The following DLC1 variants were observed in gnomAD, a reference collection of about 807,000 sequenced individuals.
The protein encoded by DLC1 is DLC1 Rho GTPase activating protein.
Under a neutral mutation model 140.3 loss-of-function variants are expected in DLC1, and 54 were observed. That is an observed-to-expected ratio of 0.38 (90% CI 0.31 to 0.48). The LOEUF is 0.48. DLC1 is among the 20% of genes least tolerant of loss of function. The pLI is 0.96. For missense variants in DLC1, 2,536 were observed against 1,907.0 expected (o/e 1.33, Z -6.14); for synonymous variants, 986 against 728.1 (o/e 1.35, Z -5.70).
Position 13,085,696 on chromosome 8 carries a change from C to T in DLC1, c.*115G>A. ...AATTGCTATAGTCAATTCCTACACT[C>T]CAGCTTGTAGTTTTCTTTGTTTCAG... On this transcript the variant is annotated 3_prime_UTR_variant, in exon 18 of 18. Coordinates refer to ENST00000276297, the MANE Select transcript of DLC1 (RefSeq NM_182643.3). The T allele has an allele frequency of 6.7e-7, 1 of 1,487,932 alleles. No homozygotes were observed. Among genetic ancestry groups the T allele is most frequent in the South Asian group, 1.3e-5 (1 of 74,908 alleles). The allele number at this position is 1,487,932 out of a possible 1,614,324, so 92.2% of individuals were successfully genotyped here.
At chr8:13,559,736 C>T (rs1804176102) in intron 1 of DLC1, among the ~76,000 whole-genome samples, 1 of 152,068 alleles carries the variant, frequency 6.6e-6, no homozygotes, top group African/African-American at 2.4e-5. Flanking sequence ...CCCTTCTACC[C>T]AAGGAAAACA....
intron 1 of DLC1, among the ~76,000 whole-genome samples, chr8:13,569,880 C>A (rs1314299566): frequency 1.3e-5 from 2 of 152,152 alleles, no homozygotes; most frequent in African/African-American, 4.8e-5. Flanking sequence ...TGCCGCCACG[C>A]CTGGCTAAAT....
intron 4 of DLC1, chr8:13,353,352 TC>T (rs1834766584): frequency 6.6e-6 from 1 of 152,152 alleles, no homozygotes; most frequent in Non-Finnish European, 1.5e-5. Context: ...TCCTATAATA[TC>T]TGTAAAAGAC....
At chr8:13,298,080 C>A (rs1167878637) in intron 5 of DLC1, among the ~76,000 whole-genome samples, 2 of 152,142 alleles carry the variant, frequency 1.3e-5, no homozygotes, top group African/African-American at 4.8e-5. Flanking sequence ...TGTCTTATGA[C>A]CACAACACAA....
At chr8:13,548,927 A>G (rs1157204195) in intron 1 of DLC1, among the ~76,000 whole-genome samples, 3 of 152,122 alleles carry the variant, frequency 2.0e-5, no homozygotes, top group Admixed American at 6.6e-5. Flanking sequence ...TGGAAGATCA[A>G]TTATAATCAC....
At chr8:13,205,764 A>G (rs1827630430) in intron 5 of DLC1, among the ~76,000 whole-genome samples, 1 of 152,212 alleles carries the variant, frequency 6.6e-6, no homozygotes, top group Non-Finnish European at 1.5e-5. Flanking sequence ...TTATGGATGA[A>G]CATAAGTAGA....
intron 2 of DLC1, 43 bp from the exon 3 acceptor site, chr8:13,401,662 TC>T: frequency 6.3e-7 from 1 of 1,586,898 alleles, no homozygotes; most frequent in African/African-American, 1.4e-5. Flanking sequence ...AAAGGCCATT[TC>T]TTAATAAGAA....
chr8:13,545,777 TTTTG>T (rs1222816221), intron 1 of DLC1, among the ~76,000 whole-genome samples: 1 of 152,146 alleles, frequency 6.6e-6, no homozygotes, highest in Non-Finnish European at 1.5e-5. Context: ...TTTTCCTATC[TTTTG>T]TTTGTGATGT....
At chr8:13,417,698 T>G (rs1429187612) in intron 2 of DLC1, among the ~76,000 whole-genome samples, 2 of 152,202 alleles carry the variant, frequency 1.3e-5, no homozygotes, top group African/African-American at 2.4e-5. Context: ...TATAGCAGCA[T>G]GATTTCTAGT....
At chr8:13,567,308 A>T in intron 1 of DLC1, 1 of 1,551,768 alleles carries the variant, frequency 6.4e-7, no homozygotes, top group African/African-American at 1.4e-5. Context: ...CCAGACACCA[A>T]ACTTCCAACA....
At position 13,233,744 on chromosome 8, in the gene DLC1, C is replaced by T. The variant is rs570982082; in HGVS notation, c.1348+71525G>A. On this transcript the variant is annotated intron_variant, in intron 5 of 17. Coordinates refer to ENST00000276297, the MANE Select transcript of DLC1 (RefSeq NM_182643.3). Reference sequence around the variant, plus strand: ...GCTTGCCACCTGGATATTTTGTCAACACAATGTTTTGATATTTGGATATGC... The same window carrying T: ...GCTTGCCACCTGGATATTTTGTCAATACAATGTTTTGATATTTGGATATGC... Among the ~76,000 whole-genome samples the T allele has an allele frequency of 1.7e-4, 26 of 152,282 alleles. 1 individual carries two copies. In the South Asian group the frequency reaches 5.2e-3, roughly 30 times the overall value.
intron 4 of DLC1, among the ~76,000 whole-genome samples, chr8:13,390,020 A>T (rs771353048): frequency 2.6e-5 from 4 of 152,194 alleles, no homozygotes; most frequent in Non-Finnish European, 5.9e-5. Flanking sequence ...TAAAGTATCT[A>T]GACTGTTATT....
At chr8:13,228,658 G>A (rs1287420849) in intron 5 of DLC1, among the ~76,000 whole-genome samples, 1 of 152,218 alleles carries the variant, frequency 6.6e-6, no homozygotes, top group African/African-American at 2.4e-5. Flanking sequence ...GCTGAGGCAA[G>A]AAGATTGCTT....
At chr8:13,101,479 T>C (rs990822959) in intron 8 of DLC1, among the ~76,000 whole-genome samples, 1 of 152,168 alleles carries the variant, frequency 6.6e-6, no homozygotes, top group Admixed American at 6.5e-5. Flanking sequence ...TATTCCCTCT[T>C]GCAATTAAAA....
chr8:13,486,201 C>G (rs1800960917), intron 2 of DLC1, among the ~76,000 whole-genome samples: 1 of 152,094 alleles, frequency 6.6e-6, no homozygotes, highest in African/African-American at 2.4e-5. Context: ...TAGGAAAAAG[C>G]AAATTTTTAT....
Position 13,500,067 on chromosome 8 carries a change from G to C in DLC1, c.5C>G (p.Ser2Cys). 1 of 1,612,450 alleles carries C rather than the reference G, an allele frequency of 6.2e-7. No individual in the cohort carries two copies. The highest frequency in any genetic ancestry group is 1.1e-5 in the South Asian group (1 of 91,020). ...CCAGCTTCTCTTTCTGATAGCTACA[G>C]ACATGTCATCGTAGTTTAACAACAG... M[S>C]VAIRKRSWEE... Residue 2 changes from serine to cysteine, a missense_variant, in exon 2 of 18, where the codon TCT becomes TGT. Coordinates refer to ENST00000276297, the MANE Select transcript of DLC1 (RefSeq NM_182643.3).
intron 5 of DLC1, among the ~76,000 whole-genome samples, chr8:13,217,666 C>G (rs1314896115): frequency 6.6e-6 from 1 of 151,486 alleles, no homozygotes; most frequent in Non-Finnish European, 1.5e-5. Context: ...AACTCTGTCT[C>G]TACTAAAAAT....
chr8:13,279,299 T>G (rs921854795), intron 5 of DLC1, among the ~76,000 whole-genome samples: 1 of 152,116 alleles, frequency 6.6e-6, no homozygotes, highest in African/African-American at 2.4e-5. Flanking sequence ...AAAACAACCC[T>G]CCTCCTCTTA....
chr8:13,507,170 A>G, intron 1 of DLC1, among the ~76,000 whole-genome samples: 1 of 152,218 alleles, frequency 6.6e-6, no homozygotes, highest in East Asian at 1.9e-4. Flanking sequence ...CAAAGAACAA[A>G]TTACCTAGCA....
Sources: gnomAD v4.1 joint callset for allele counts (sites outside exome capture counted in the v4.1 genomes callset) on GRCh38, gnomAD v4.1.1 for gene constraint, MANE v1.5 for transcripts, NCBI Gene and HGNC (gene_info 2026-07-23, HGNC 2026-07-21) for gene names.